Variants in PCDHGA9 observed in about 807,000 individuals in gnomAD.
The protein encoded by PCDHGA9 is protocadherin gamma-A9.
Under a neutral mutation model 62.5 loss-of-function variants are expected in PCDHGA9, and 37 were observed. The observed-to-expected ratio is 0.59, with a 90% CI of 0.46 to 0.78. The LOEUF (loss-of-function observed/expected upper bound fraction) is 0.78. PCDHGA9 is among the 30% of genes least tolerant of loss of function. PCDHGA9 has a pLI of 0.00. For missense variants in PCDHGA9, 1,138 were observed against 1,166.2 expected, an observed-to-expected ratio of 0.98 and a Z score of 0.35; for synonymous variants, 459 against 484.6, an observed-to-expected ratio of 0.95 and a Z score of 0.69.
At position 141,486,055 on chromosome 5, in the gene PCDHGA9, C is replaced by T; in HGVS notation, c.2425-8752C>T. 6.2e-7 allele frequency: 1 copy of T among 1,614,170 alleles called. No individual in the cohort carries two copies. ...CTGATCGTGTAAGAAACCTCTTTAG[C>T]CTGCACCCCACTACTGGAAAGCTTA... On this transcript the variant is annotated intron_variant, in intron 1 of 3. Transcript: ENST00000573521. The surrounding 1 kb of genome is among the most constrained non-coding windows in gnomAD (Gnocchi z 5.0).
chr5:141,445,828 G>A (rs1188169953), intron 1 of PCDHGA9, among the ~76,000 whole-genome samples: 2 of 152,188 alleles, frequency 1.3e-5, no homozygotes, highest in African/African-American at 2.4e-5. Context: ...AAGGCAGGGA[G>A]AGCCTTGTAA....
At chr5:141,492,244 C>T (rs1334647731) in intron 1 of PCDHGA9, among the ~76,000 whole-genome samples, 1 of 152,198 alleles carries the variant, frequency 6.6e-6, no homozygotes, top group Admixed American at 6.5e-5. Flanking sequence ...TGGCCACCCC[C>T]ACGGCCCACA....
At position 141,487,362 on chromosome 5, in the gene PCDHGA9, C is replaced by T; in HGVS notation, c.2425-7445C>T. On this transcript the variant is annotated intron_variant, in intron 1 of 3. Transcript: ENST00000573521. The surrounding 1 kb of genome is among the most constrained non-coding windows in gnomAD (Gnocchi z 5.0). The stretch of plus-strand genomic sequence containing the variant: ...GGAGTCACATGCTTTCCTGCTGGCA[C>T]CTGTGCCTGTCTCACCAGATCTCGA... 3 of 1,614,200 alleles carry T rather than the reference C, an allele frequency of 1.9e-6. No homozygotes were observed. Among genetic ancestry groups the T allele is most frequent in the Non-Finnish European group, 2.5e-6 (3 of 1,180,044 alleles).
chr5:141,477,158 A>G lies in PCDHGA9; in HGVS notation c.2425-17649A>G, dbSNP rs1476516538. 1.2e-6 allele frequency: 2 copies of G among 1,614,154 alleles called. No individual in the cohort carries two copies. Among genetic ancestry groups the G allele is most frequent in the Non-Finnish European group, 1.7e-6 (2 of 1,180,018 alleles). ...GGTGGAGGTTGTGGATGTGAATGACAACGCCCCGGAGATCACAGTCACCTC... is the reference window on the plus strand; with the variant it reads ...GGTGGAGGTTGTGGATGTGAATGACGACGCCCCGGAGATCACAGTCACCTC... On this transcript the variant is annotated intron_variant, in intron 1 of 3. Coordinates refer to ENST00000573521, the MANE Select transcript of PCDHGA9 (RefSeq NM_018921.3). This position sits in a 1 kb window ranked among gnomAD's most constrained non-coding sequence, Gnocchi z 4.9.
intron 1 of PCDHGA9, chr5:141,421,478 G>C: frequency 6.2e-7 from 1 of 1,614,130 alleles, no homozygotes. Context: ...CGAAGCGGCA[G>C]CTTGATCACG....
At position 141,402,785 on chromosome 5, in the gene PCDHGA9, CG is replaced by C; in HGVS notation, c.-166del. 1.1e-6 allele frequency: 1 copy of C among 904,572 alleles called. No individual in the cohort carries two copies. Among genetic ancestry groups the C allele is most frequent in the South Asian group, 2.1e-5 (1 of 46,884 alleles). 56.0% of individuals were successfully genotyped at this position (904,572 alleles called of 1,614,324 possible). A position where few individuals can be genotyped will look rare whatever the true frequency, so the allele number is the denominator to read the frequency against. On this transcript the variant is annotated 5_prime_UTR_variant, in exon 1 of 4. Transcript: ENST00000573521. ...GACTCCATCCGGATTTCCAGTTCTG[CG>C]GCTACACAAAACCCGGCAGATACCA...
Position 141,431,877 on chromosome 5 carries a change from A to G in PCDHGA9, c.2424+26501A>G. On this transcript the variant is annotated intron_variant, in intron 1 of 3. Coordinates refer to ENST00000573521, the MANE Select transcript of PCDHGA9 (RefSeq NM_018921.3). The surrounding 1 kb of genome is among the most constrained non-coding windows in gnomAD (Gnocchi z 4.8). ...TTAATTGCCCTTTTAAATGTAAATG[A>G]CCAAGATTCTGAGGAAAACGGACAG... is the stretch of plus-strand genomic sequence containing the variant. 8 of 1,614,230 alleles carry G rather than the reference A, an allele frequency of 5.0e-6. No individual in the cohort carries two copies. Among genetic ancestry groups the G allele is most frequent in the Non-Finnish European group, 6.8e-6 (8 of 1,180,016 alleles).
intron 1 of PCDHGA9, among the ~76,000 whole-genome samples, chr5:141,407,044 A>G (rs972892343): frequency 6.6e-6 from 1 of 152,246 alleles, no homozygotes; most frequent in African/African-American, 2.4e-5. Flanking sequence ...TGTGATCCAT[A>G]GATACACTGA....
chr5:141,432,685 C>T lies in PCDHGA9; in HGVS notation c.2424+27309C>T, dbSNP rs1561863583. 1 of 1,613,932 alleles carries T rather than the reference C, an allele frequency of 6.2e-7. No individual in the cohort carries two copies. The highest frequency in any genetic ancestry group is 1.7e-5 in the Admixed American group (1 of 60,020). ...ACAGAGACGCGCTCAAGCAGAGCCT[C>T]GTAGTGGCCGTCCAGGACCACGGCC... On this transcript the variant is annotated intron_variant, in intron 1 of 3. Coordinates refer to ENST00000573521, the MANE Select transcript of PCDHGA9 (RefSeq NM_018921.3). This position sits in a 1 kb window ranked among gnomAD's most constrained non-coding sequence, Gnocchi z 6.0.
At chr5:141,495,286 A>T (rs1341490472) in intron 2 of PCDHGA9, among the ~76,000 whole-genome samples, 2 of 152,088 alleles carry the variant, frequency 1.3e-5, no homozygotes, top group Non-Finnish European at 2.9e-5. Context: ...GGCGGTCCGC[A>T]CTCAGCGCCT....
In PCDHGA9 at chr5:141,432,088, A is replaced by T. The variant is rs144317211; in HGVS notation, c.2424+26712A>T. The T allele has an allele frequency of 2.9e-5, 47 of 1,614,148 alleles. No individual in the cohort carries two copies. In the African/African-American group the frequency reaches 5.7e-4, roughly 20 times the overall value. On this transcript the variant is annotated intron_variant, in intron 1 of 3. Transcript: ENST00000573521. This position sits in a 1 kb window ranked among gnomAD's most constrained non-coding sequence, Gnocchi z 6.0. Reference sequence around the variant, plus strand: ...AAACTCATATCTCGCTGAACGTGGCAGACACCAACGACAACCCGCCGGTCT... The same window carrying T: ...AAACTCATATCTCGCTGAACGTGGCTGACACCAACGACAACCCGCCGGTCT...
chr5:141,494,712 C>T, intron 1 of PCDHGA9, 95 bp from the exon 2 acceptor site: 1 of 1,603,048 alleles, frequency 6.2e-7, no homozygotes, highest in Non-Finnish European at 8.5e-7. Context: ...TCTGTGCCCA[C>T]TCCCCTCCTT....
chr5:141,441,737 C>CG, intron 1 of PCDHGA9: 1 of 365,242 alleles, frequency 2.7e-6, no homozygotes, highest in South Asian at 2.2e-5. Flanking sequence ...AGGACTAGCT[C>CG]GCGCTCGGCG....
chr5:141,436,220 T>C (rs1179034537), intron 1 of PCDHGA9, among the ~76,000 whole-genome samples: 2 of 152,096 alleles, frequency 1.3e-5, no homozygotes, highest in Non-Finnish European at 2.9e-5. Flanking sequence ...ACAAATGACT[T>C]GGGAAACTAA....
rs775331499 is a variant in PCDHGA9 at position 141,422,779 on chromosome 5, C to T, written c.2424+17403C>T. The T allele has an allele frequency of 8.7e-6, 14 of 1,614,070 alleles. No homozygotes were observed. In the East Asian group the frequency reaches 2.9e-4, roughly 33 times the overall value. ...CTCCAACACTGGTGTTCTCTATGCC[C>T]TACAATCCTTCGACTATGAGCAGTT... On this transcript the variant is annotated intron_variant, in intron 1 of 3. Transcript: ENST00000573521.
At chr5:141,422,980 C>T in intron 1 of PCDHGA9, 1 of 1,614,232 alleles carries the variant, frequency 6.2e-7, no homozygotes, top group Middle Eastern at 1.7e-4. Flanking sequence ...CTCTGCGGAA[C>T]CTGGCTACCT....
At chr5:141,470,589 G>A (rs1593264687) in intron 1 of PCDHGA9, among the ~76,000 whole-genome samples, 1 of 152,300 alleles carries the variant, frequency 6.6e-6, no homozygotes, top group East Asian at 1.9e-4. Flanking sequence ...TCATAGGCAG[G>A]CGACCTGTGC....
chr5:141,419,072 G>C (rs17208397), intron 1 of PCDHGA9: 242,774 of 1,613,756 alleles, frequency 0.15, 19,855 homozygotes, highest in Non-Finnish European at 0.17. Context: ...CTACAAGCTA[G>C]TAACAGATGA....
At chr5:141,430,573 A>T (rs938248057) in intron 1 of PCDHGA9, 2 of 449,056 alleles carry the variant, frequency 4.5e-6, no homozygotes, top group Non-Finnish European at 7.6e-6. Flanking sequence ...AGAAAAGCGG[A>T]GATCCTGCTC....
Sources: gnomAD v4.1 joint callset for allele counts (sites outside exome capture counted in the v4.1 genomes callset) on GRCh38, gnomAD v4.1.1 for gene constraint, Gnocchi (gnomAD v3.1) non-coding constraint, MANE v1.5 for transcripts, NCBI Gene and HGNC (gene_info 2026-07-23, HGNC 2026-07-21) for gene names.